NELL2: variants seen among roughly 807,000 people sequenced by gnomAD.
The protein encoded by NELL2 is protein kinase C-binding protein NELL2.
A neutral mutation model predicts 109.6 loss-of-function variants in NELL2; 41 were observed. The ratio of observed to expected loss-of-function variants is 0.37; its 90% CI spans 0.29 to 0.49. The LOEUF (loss-of-function observed/expected upper bound fraction) is 0.49. Ranked by LOEUF, NELL2 falls within the 20% of genes least tolerant of loss-of-function variation. The pLI, the probability that NELL2 is intolerant of heterozygous loss-of-function variation, is 0.98. For missense variants in NELL2, 900 were observed against 1,008.3 expected (o/e 0.89, Z 1.45); for synonymous variants, 355 against 344.7 (o/e 1.03, Z -0.33).
rs549196548 is a variant in NELL2, at chr12:44,568,485, T to A, written c.1664-35764A>T. ...CCTTTGAATTTGACTCATCTAGAGA[T>A]GGTATTACATTCTATATTTTTACAG... is the stretch of plus-strand genomic sequence containing the variant. On this transcript the variant is annotated intron_variant, in intron 15 of 19. Transcript: ENST00000429094. Among the ~76,000 whole-genome samples the A allele has an allele frequency of 2.6e-5, 4 of 152,240 alleles. No homozygotes were observed. The East Asian group carries it at 7.7e-4, about 29-fold the overall frequency.
intron 12 of NELL2, among the ~76,000 whole-genome samples, chr12:44,680,205 T>A (rs2136368244): frequency 6.6e-6 from 1 of 152,286 alleles, no homozygotes; most frequent in Admixed American, 6.5e-5. Context: ...AGTGTTTTCA[T>A]GAAAGATACA....
At chr12:44,639,873 C>T (rs956650049) in intron 13 of NELL2, among the ~76,000 whole-genome samples, 2 of 152,112 alleles carry the variant, frequency 1.3e-5, no homozygotes, top group Non-Finnish European at 2.9e-5. Flanking sequence ...TCTGCATGAT[C>T]GGACCCCACC....
chr12:44,828,231 G>A (rs1023512197), intron 2 of NELL2, among the ~76,000 whole-genome samples: 9 of 152,012 alleles, frequency 5.9e-5, no homozygotes, highest in Admixed American at 5.2e-4. Context: ...CCTGTCAGAT[G>A]GGTAGTTTGC....
chr12:44,745,674 T>A (rs2136512426), intron 9 of NELL2, among the ~76,000 whole-genome samples: 1 of 151,950 alleles, frequency 6.6e-6, no homozygotes, highest in African/African-American at 2.4e-5. Context: ...GAGAGCCAAA[T>A]CTCCAGTGAA....
At position 44,728,305 on chromosome 12, in the gene NELL2, CCAAA is replaced by C. The variant is rs1173094146; in HGVS notation, c.995-13568_995-13565del. On this transcript the variant is annotated intron_variant, in intron 9 of 19. Transcript: ENST00000429094. ...AATAGACAGTAATTTTTTAAAATGA[CCAAA>C]CAGATATTTAGAATGTAAGAATACA... 5.3e-5 allele frequency among the ~76,000 whole-genome samples: 8 copies of C among 151,966 alleles called. No homozygotes were observed. The South Asian group carries it at 1.5e-3, about 28-fold the overall frequency.
intron 12 of NELL2, among the ~76,000 whole-genome samples, chr12:44,693,501 T>C (rs556995353): frequency 5.3e-5 from 8 of 152,330 alleles, no homozygotes; most frequent in South Asian, 4.1e-4. Context: ...TAGCTTTGTA[T>C]GAGAAACCAC....
chr12:44,839,697 C>T (rs981390049), intron 2 of NELL2, among the ~76,000 whole-genome samples: 1 of 152,316 alleles, frequency 6.6e-6, no homozygotes, highest in South Asian at 2.1e-4. Context: ...GGCTATCATT[C>T]CTTCAAGTTT....
At chr12:44,840,498 G>A (rs1044612170) in intron 2 of NELL2, among the ~76,000 whole-genome samples, 8 of 152,184 alleles carry the variant, frequency 5.3e-5, no homozygotes, top group South Asian at 2.1e-4. Context: ...TTAGCCAGGC[G>A]TGGTGGTGGG....
chr12:44,705,532 T>A (rs1937826093), intron 11 of NELL2, among the ~76,000 whole-genome samples: 1 of 152,160 alleles, frequency 6.6e-6, no homozygotes, highest in African/African-American at 2.4e-5. Flanking sequence ...TCTCCTAGGA[T>A]CTTTTTATTT....
intron 1 of NELL2, among the ~76,000 whole-genome samples, chr12:44,900,146 C>A (rs1453556338): frequency 6.6e-6 from 1 of 152,108 alleles, no homozygotes. Flanking sequence ...GACTTAGACT[C>A]CCACACAATA....
chr12:44,568,815 T>C (rs1371389677), intron 15 of NELL2, among the ~76,000 whole-genome samples: 3 of 152,084 alleles, frequency 2.0e-5, no homozygotes, highest in South Asian at 2.1e-4. Flanking sequence ...TGCTGTAATA[T>C]AGTTAGGCTT....
chr12:44,762,436 C>A (rs1161362688), intron 9 of NELL2, among the ~76,000 whole-genome samples: 1 of 152,192 alleles, frequency 6.6e-6, no homozygotes, highest in Non-Finnish European at 1.5e-5. Flanking sequence ...AAAACCTAAT[C>A]ATTTCCCATA....
intron 2 of NELL2, among the ~76,000 whole-genome samples, chr12:44,825,169 A>C (rs1943670040): frequency 6.6e-6 from 1 of 151,968 alleles, no homozygotes. Context: ...TTTTAATAGG[A>C]ATTGCATTGA....
chr12:44,875,374 G>A (rs1334571021), intron 1 of NELL2, 21 bp from the exon 2 acceptor site: 11 of 1,613,820 alleles, frequency 6.8e-6, no homozygotes, highest in Non-Finnish European at 8.5e-6. Flanking sequence ...GTATGAGGTG[G>A]GAGAGAGAAA....
chr12:44,775,856 T>C (rs1001531277), intron 8 of NELL2, among the ~76,000 whole-genome samples, 166 bp downstream of exon 8: 1 of 152,234 alleles, frequency 6.6e-6, no homozygotes, highest in Admixed American at 6.5e-5. Context: ...AAAGTGTTTT[T>C]AATAATGCAA....
At chr12:44,691,782 T>C (rs776342514) in intron 12 of NELL2, among the ~76,000 whole-genome samples, 4 of 152,282 alleles carry the variant, frequency 2.6e-5, no homozygotes, top group Admixed American at 2.0e-4. Flanking sequence ...AACATTCCCT[T>C]GAGCCAAAGC....
At position 44,508,366 on chromosome 12, in the gene NELL2, A is replaced by AAC. The variant is rs948951772; in HGVS notation, c.*566_*567dup. The AAC allele has an allele frequency of 6.5e-6, 1 of 152,702 alleles. No individual in the cohort carries two copies. The highest frequency in any genetic ancestry group is 2.4e-5 in the African/African-American group (1 of 41,472). 9.5% of individuals were successfully genotyped at this position (152,702 alleles called of 1,614,324 possible). On this transcript the variant is annotated 3_prime_UTR_variant, in exon 20 of 20. Coordinates refer to ENST00000429094, the MANE Select transcript of NELL2 (RefSeq NM_001145108.2). ...AACCAAATAATATTAAGTGCAGTAA[A>AAC]ACAAGGAAATAGGGATGACTTTTCC...
intron 9 of NELL2, among the ~76,000 whole-genome samples, chr12:44,715,680 A>G (rs1218655772): frequency 2.0e-5 from 3 of 152,078 alleles, no homozygotes; most frequent in African/African-American, 4.8e-5. Context: ...AGGTCCCCAT[A>G]ACATCTAGAT....
At chr12:44,538,785 C>G (rs974176038) in intron 15 of NELL2, among the ~76,000 whole-genome samples, 2 of 152,096 alleles carry the variant, frequency 1.3e-5, no homozygotes, top group Non-Finnish European at 2.9e-5. Context: ...TCTCATGTCC[C>G]CTGTGTTGAT....
Sources: gnomAD v4.1 joint callset for allele counts (sites outside exome capture counted in the v4.1 genomes callset) on GRCh38, gnomAD v4.1.1 for gene constraint, MANE v1.5 for transcripts, NCBI Gene and HGNC (gene_info 2026-07-23, HGNC 2026-07-21) for gene names.